Variants in SLC35D2 observed in about 807,000 individuals in gnomAD.
The protein encoded by SLC35D2 is nucleotide sugar transporter SLC35D2.
A neutral mutation model predicts 41.8 loss-of-function variants in SLC35D2; 43 were observed. The ratio of observed to expected loss-of-function variants is 1.03; its 90% CI spans 0.81 to 1.33. The LOEUF (loss-of-function observed/expected upper bound fraction) is 1.33. SLC35D2 is among the 40% of genes most tolerant of loss of function. The pLI is 0.00. For synonymous variants in SLC35D2, 150 were observed against 163.9 expected (o/e 0.92, Z 0.65); for missense variants, 380 against 408.4 (o/e 0.93, Z 0.60).
intron 4 of SLC35D2, among the ~76,000 whole-genome samples, chr9:96,355,488 T>C (rs1287741574): frequency 1.4e-5 from 2 of 145,350 alleles, no homozygotes; most frequent in African/African-American, 5.2e-5. Flanking sequence ...ATATTGTCTC[T>C]AAGAAAAAAA....
intron 4 of SLC35D2, among the ~76,000 whole-genome samples, chr9:96,353,159 A>C (rs1829878969): frequency 6.6e-6 from 1 of 152,168 alleles, no homozygotes; most frequent in African/African-American, 2.4e-5. Context: ...GAAACAACCT[A>C]AATGTCAGAC....
intron 3 of SLC35D2, among the ~76,000 whole-genome samples, chr9:96,362,544 A>C (rs188662264): frequency 1.3e-5 from 2 of 152,150 alleles, no homozygotes; most frequent in Admixed American, 1.3e-4. Context: ...GGATGCATCC[A>C]GATTTAGAAT....
At chr9:96,354,766 C>CAAAAAAAA (rs59013884) in intron 4 of SLC35D2, among the ~76,000 whole-genome samples, 8 of 46,734 alleles carry the variant, frequency 1.7e-4, no homozygotes, top group Admixed American at 3.7e-4. Flanking sequence ...GACTCCATCT[C>CAAAAAAAA]AAAAAAAAAA....
intron 4 of SLC35D2, among the ~76,000 whole-genome samples, chr9:96,356,175 C>T (rs1830013709): frequency 6.6e-6 from 1 of 152,216 alleles, no homozygotes; most frequent in Non-Finnish European, 1.5e-5. Context: ...ACTGGCTCCC[C>T]TTCCCCTTCT....
intron 8 of SLC35D2, among the ~76,000 whole-genome samples, chr9:96,341,753 A>G (rs1451841677): frequency 6.6e-6 from 1 of 152,174 alleles, no homozygotes; most frequent in Admixed American, 6.5e-5. Flanking sequence ...AAGAACACAT[A>G]TTTCTTCTGA....
At chr9:96,356,948 G>A (rs111766678) in intron 4 of SLC35D2, among the ~76,000 whole-genome samples, 5 of 152,224 alleles carry the variant, frequency 3.3e-5, no homozygotes, top group South Asian at 2.1e-4. Flanking sequence ...TTGGGAGGCC[G>A]AGGCAGATGG....
At chr9:96,316,741 CA>C (rs1278399685), downstream of SLC35D2, among the ~76,000 whole-genome samples, 1 of 150,740 alleles carries the variant, frequency 6.6e-6, no homozygotes, top group Non-Finnish European at 1.5e-5. Flanking sequence ...CCTGAGGGCA[CA>C]AAAAATATAT....
intron 10 of SLC35D2, among the ~76,000 whole-genome samples, 192 bp downstream of exon 10, chr9:96,323,899 C>A (rs1476132005): frequency 6.6e-6 from 1 of 151,514 alleles, no homozygotes; most frequent in East Asian, 1.9e-4. Context: ...GAACTCCAGC[C>A]TGGACAACAG....
chr9:96,378,496 A>G lies in SLC35D2; in HGVS notation c.158+4981T>C, dbSNP rs79914619. 2.4e-4 allele frequency among the ~76,000 whole-genome samples: 37 copies of G among 152,302 alleles called. No homozygotes were observed. The East Asian group carries it at 7.1e-3, about 29-fold the overall frequency. The stretch of plus-strand genomic sequence containing the variant: ...GGATGCATACTAAACATATATAGTA[A>G]ATAGTGAGCAAATATTTGTTGAAAT... On this transcript the variant is annotated intron_variant, in intron 1 of 11. Coordinates refer to ENST00000253270, the MANE Select transcript of SLC35D2 (RefSeq NM_007001.3).
chr9:96,323,693 G>C (rs1206209391), intron 10 of SLC35D2, among the ~76,000 whole-genome samples: 1 of 152,040 alleles, frequency 6.6e-6, no homozygotes, highest in African/African-American at 2.4e-5. Flanking sequence ...TTGGGAGGCC[G>C]AGGTGGGTGG....
At chr9:96,344,559 G>A (rs1042206497) in intron 7 of SLC35D2, among the ~76,000 whole-genome samples, 303 of 28,466 alleles carry the variant, frequency 0.011, no homozygotes, top group Middle Eastern at 0.023. Context: ...AAAAAAAACA[G>A]AGCAGATAAA....
chr9:96,367,352 A>C (rs975871539), intron 2 of SLC35D2, among the ~76,000 whole-genome samples: 7 of 152,218 alleles, frequency 4.6e-5, no homozygotes, highest in Non-Finnish European at 1.0e-4. Context: ...ATTAAATCAA[A>C]ATCAAAACAA....
At chr9:96,355,441 C>T (rs1829982591) in intron 4 of SLC35D2, among the ~76,000 whole-genome samples, 3 of 151,642 alleles carry the variant, frequency 2.0e-5, no homozygotes. Context: ...GAGCTATGAT[C>T]ATGCCACTTG....
intron 8 of SLC35D2, among the ~76,000 whole-genome samples, chr9:96,339,295 G>A (rs897485725): frequency 6.6e-6 from 1 of 152,076 alleles, no homozygotes; most frequent in Non-Finnish European, 1.5e-5. Flanking sequence ...ATTTTTAGTA[G>A]AGACAGGTTT....
intron 4 of SLC35D2, 114 bp downstream of exon 4, chr9:96,360,040 T>C (rs993020547): frequency 1.0e-4 from 63 of 600,612 alleles, no homozygotes; most frequent in Non-Finnish European, 1.7e-4. Flanking sequence ...CTAAATATTA[T>C]TGTCTTCTAT....
At chr9:96,365,495 G>T (rs1830441613) in intron 2 of SLC35D2, among the ~76,000 whole-genome samples, 1 of 152,192 alleles carries the variant, frequency 6.6e-6, no homozygotes, top group Non-Finnish European at 1.5e-5. Context: ...ATCACAGCCA[G>T]TGAGATGACA....
At chr9:96,357,243 A>G (rs1355619713) in intron 4 of SLC35D2, among the ~76,000 whole-genome samples, 4 of 152,222 alleles carry the variant, frequency 2.6e-5, no homozygotes, top group Admixed American at 1.3e-4. Context: ...ATTATGATCA[A>G]CTGATTTTCT....
chr9:96,322,177 G>A (rs1197174088), intron 10 of SLC35D2, 97 bp from the exon 11 acceptor site: 6 of 782,778 alleles, frequency 7.7e-6, no homozygotes, highest in Non-Finnish European at 1.3e-5. Flanking sequence ...TAGTTACTTT[G>A]CATAGAGACT....
chr9:96,365,941 G>A (rs1830455637), intron 2 of SLC35D2, among the ~76,000 whole-genome samples: 1 of 152,118 alleles, frequency 6.6e-6, no homozygotes, highest in South Asian at 2.1e-4. Flanking sequence ...ATATATTTAT[G>A]TAATTAAGCC....
Sources: gnomAD v4.1 joint callset for allele counts (sites outside exome capture counted in the v4.1 genomes callset) on GRCh38, gnomAD v4.1.1 for gene constraint, MANE v1.5 for transcripts, NCBI Gene and HGNC (gene_info 2026-07-23, HGNC 2026-07-21) for gene names.